Variants in SNRNP200 observed in about 807,000 individuals in gnomAD.
SNRNP200 encodes small nuclear ribonucleoprotein U5 subunit 200.
A neutral mutation model predicts 255.2 loss-of-function variants in SNRNP200; 66 were observed. The ratio of observed to expected loss-of-function variants is 0.26; its 90% CI spans 0.21 to 0.32. The LOEUF is 0.32. Ranked by LOEUF, SNRNP200 falls within the 10% of genes least tolerant of loss-of-function variation. The probability of loss-of-function intolerance (pLI) is 1.00; values close to 1 mark genes in which losing one functional copy is unlikely to be tolerated. For missense variants in SNRNP200, 1,585 were observed against 2,749.8 expected (o/e 0.58, Z 9.47); for synonymous variants, 939 against 1,027.8 (o/e 0.91, Z 1.65).
rs771467362 is a variant in SNRNP200 at position 96,301,031 on chromosome 2, G to A, written c.597C>T (p.Tyr199=). Residue 199 remains tyrosine, a synonymous_variant, in exon 5 of 45, where the codon TAC becomes TAT. Coordinates refer to ENST00000323853, the MANE Select transcript of SNRNP200 (RefSeq NM_014014.5). ...CAGACTCAAACTGCACATTCACACC[G>A]TATGTCTCATCAATGTTGTCATCTG... ...QNMDDNIDET[Y]GVNVQFESDE... 1.9e-5 allele frequency: 31 copies of A among 1,613,564 alleles called. No homozygotes were observed. The highest frequency in any genetic ancestry group is 1.6e-4 in the Middle Eastern group (1 of 6,080).
Position 96,274,821 on chromosome 2 carries a change from C to T in SNRNP200, c.*191G>A. The T allele has an allele frequency of 4.5e-6, 3 of 665,794 alleles. No homozygotes were observed. The highest frequency in any genetic ancestry group is 8.1e-6 in the Non-Finnish European group (3 of 370,902). 41.2% of individuals were successfully genotyped at this position (665,794 alleles called of 1,614,324 possible). On this transcript the variant is annotated 3_prime_UTR_variant, in exon 45 of 45. Transcript: ENST00000323853. ...ATGCTATATATGATTTATGCTTGAC[C>T]CATGACACCTGCTGTCACTGGATCC...
rs1684635891 is a variant in SNRNP200, at chr2:96,275,290, G to A, written c.6234C>T (p.Ser2078=). 2 of 1,614,030 alleles carry A rather than the reference G, an allele frequency of 1.2e-6. No homozygotes were observed. Among genetic ancestry groups the A allele is most frequent in the Admixed American group, 1.7e-5 (1 of 59,998 alleles). The change falls in exon 44 of 45, where the codon TCC becomes TCT. Residue 2078 remains serine (S), a synonymous_variant. Coordinates refer to ENST00000323853, the MANE Select transcript of SNRNP200 (RefSeq NM_014014.5). ...TCTGCTGCAAGGTCAGCCTCTTGATGGAGATGAGGCTATTGGACTTGGCAT... is the reference window on the plus strand; with the variant it reads ...TCTGCTGCAAGGTCAGCCTCTTGATAGAGATGAGGCTATTGGACTTGGCAT... ...IGDAKSNSLI[S]IKRLTLQQKA...
At position 96,275,167 on chromosome 2, in the gene SNRNP200, A is replaced by G. The variant is rs1480835373; in HGVS notation, c.6268-12T>C. The G allele has an allele frequency of 6.2e-7, 1 of 1,614,256 alleles. No individual in the cohort carries two copies. On this transcript the variant is annotated splice_polypyrimidine_tract_variant and intron_variant, in intron 44 of 44. Coordinates refer to ENST00000323853, the MANE Select transcript of SNRNP200 (RefSeq NM_014014.5). Reference sequence around the variant, plus strand: ...AAGTCCAACTTCACCTAGAAAGAGCAGGCAGAAATCAAGATGAGCATGGAC... The same window carrying G: ...AAGTCCAACTTCACCTAGAAAGAGCGGGCAGAAATCAAGATGAGCATGGAC...
At chr2:96,302,515 A>G (rs1482594290) in intron 3 of SNRNP200, among the ~76,000 whole-genome samples, 1 of 152,180 alleles carries the variant, frequency 6.6e-6, no homozygotes, top group Non-Finnish European at 1.5e-5. Context: ...CCTCCCCACC[A>G]GCAACCAATC....
At chr2:96,302,977 T>C (rs1171257618) in intron 3 of SNRNP200, among the ~76,000 whole-genome samples, 182 bp downstream of exon 3, 1 of 152,178 alleles carries the variant, frequency 6.6e-6, no homozygotes, top group Non-Finnish European at 1.5e-5. Flanking sequence ...GGCTTCATTA[T>C]GTAGGCATGA....
At position 96,286,644 on chromosome 2, in the gene SNRNP200, C is replaced by T. The variant is rs764639912; in HGVS notation, c.3829+44G>A. ...AAGTGCAAGACATTCTTCTACTGTC[C>T]TTGGAGGGACTGTTCCTGGGGACTC... On this transcript the variant is annotated intron_variant, in intron 28 of 44. Transcript: ENST00000323853. The surrounding 1 kb of genome is among the most constrained non-coding windows in gnomAD (Gnocchi z 4.8). 1.2e-6 allele frequency: 2 copies of T among 1,607,918 alleles called. No individual in the cohort carries two copies. Among genetic ancestry groups the T allele is most frequent in the Non-Finnish European group, 1.7e-6 (2 of 1,176,084 alleles).
intron 35 of SNRNP200, among the ~76,000 whole-genome samples, chr2:96,280,558 C>T (rs1684741371): frequency 6.6e-6 from 1 of 150,906 alleles, no homozygotes; most frequent in Admixed American, 6.6e-5. Flanking sequence ...CTTCTAACTT[C>T]TTTTTTTTTG....
chr2:96,289,400 A>G, intron 21 of SNRNP200, 21 bp from the exon 22 acceptor site: 1 of 1,613,140 alleles, frequency 6.2e-7, no homozygotes, highest in African/African-American at 1.3e-5. Flanking sequence ...GGTAGACTCA[A>G]TCCAGTGCTG....
At chr2:96,305,343 C>A in intron 1 of SNRNP200, 50 bp downstream of exon 1, 1 of 1,611,072 alleles carries the variant, frequency 6.2e-7, no homozygotes, top group Middle Eastern at 1.7e-4. Context: ...CAGCCTCCCC[C>A]TCCCCATTGG....
Position 96,290,256 on chromosome 2 carries a change from G to C in SNRNP200, c.2742+70C>G. 3.2e-6 allele frequency: 5 copies of C among 1,541,434 alleles called. No individual in the cohort carries two copies. The South Asian group carries it at 5.6e-5, about 17-fold the overall frequency. On this transcript the variant is annotated intron_variant, in intron 20 of 44. Coordinates refer to ENST00000323853, the MANE Select transcript of SNRNP200 (RefSeq NM_014014.5). This position sits in a 1 kb window ranked among gnomAD's most constrained non-coding sequence, Gnocchi z 4.5. ...CGCTGCTGGCCCGCAGCACAATAGG[G>C]ACCGACCCACTCCTGGTGCCTTGGT...
rs2063874887 is a variant in SNRNP200, at chr2:96,290,056, C to T, written c.2743-60G>A. ...AAACTCTTGATGTCCAAATGACAGG[C>T]TCCCATGAATTGCTTAGAAATTAAT... On this transcript the variant is annotated intron_variant, in intron 20 of 44. Transcript: ENST00000323853. This position sits in a 1 kb window ranked among gnomAD's most constrained non-coding sequence, Gnocchi z 4.5. 3 of 1,509,550 alleles carry T rather than the reference C, an allele frequency of 2.0e-6. No homozygotes were observed. Among genetic ancestry groups the T allele is most frequent in the African/African-American group, 1.4e-5 (1 of 72,950 alleles). The allele number at this position is 1,509,550 out of a possible 1,614,324, so 93.5% of individuals were successfully genotyped here.
chr2:96,281,958 G>T, intron 34 of SNRNP200, 36 bp from the exon 35 acceptor site: 1 of 1,526,030 alleles, frequency 6.6e-7, no homozygotes, highest in South Asian at 1.1e-5. Flanking sequence ...CTGAGGGCAG[G>T]GGTCTCCGGG....
chr2:96,300,973 T>C (rs200641051), intron 5 of SNRNP200, 25 bp downstream of exon 5: 50 of 1,605,108 alleles, frequency 3.1e-5, no homozygotes, highest in Non-Finnish European at 3.9e-5. Flanking sequence ...AAAACAAGAA[T>C]GGACTGGGTA....
chr2:96,298,295 C>T lies in SNRNP200; in HGVS notation c.1108G>A (p.Asp370Asn). 6.2e-7 allele frequency: 1 copy of T among 1,614,220 alleles called. No homozygotes were observed. The highest frequency in any genetic ancestry group is 2.2e-5 in the East Asian group (1 of 44,892). ...LYQLHETEKE[D>N]LIREERSRRE... ...AACCCAGTCCTTACTCGGATCAGAT[C>T]CTCCTTCTCGGTTTCATGAAGCTGG... Residue 370 changes from aspartate (D) to asparagine (N), a missense_variant, in exon 9 of 45, where the codon GAT becomes AAT. Around this residue, in one of 9 missense-constraint regions of SNRNP200, gnomAD observed 383 missense variants for 645.3 expected, o/e 0.59. Transcript: ENST00000323853.
At position 96,286,417 on chromosome 2, in the gene SNRNP200, G is replaced by C. The variant is rs144934076; in HGVS notation, c.3897C>G (p.Thr1299=). ...LILPEKYPPP[T]ELLDLQPLPV... ...GCAAGGGCTGCAGGTCCAAAAGTTC[G>C]GTTGGAGGGGGGTACTTCTCCGGCA... Residue 1299 remains threonine, a synonymous_variant, in exon 29 of 45, where the codon ACC becomes ACG. Transcript: ENST00000323853. This position sits in a 1 kb window ranked among gnomAD's most constrained non-coding sequence, Gnocchi z 4.8. 1,250 of 1,614,170 alleles carry C rather than the reference G, an allele frequency of 7.7e-4. 3 individuals carry two copies. The highest frequency in any genetic ancestry group is 9.7e-4 in the Non-Finnish European group (1,140 of 1,180,034).
Position 96,298,805 on chromosome 2 carries a change from T to G in SNRNP200, c.882+10A>C, listed in dbSNP as rs2104359532. 1 of 1,614,224 alleles carries G rather than the reference T, an allele frequency of 6.2e-7. No homozygotes were observed. The stretch of plus-strand genomic sequence containing the variant: ...CACTAAATATACAACTATTGTCATC[T>G]TGGCCATACCTTCAAAATCTCCAAT... On this transcript the variant is annotated intron_variant, in intron 7 of 44. Transcript: ENST00000323853.
Position 96,284,119 on chromosome 2 carries a change from C to G in SNRNP200, c.4393-115G>C, listed in dbSNP as rs552625221. On this transcript the variant is annotated intron_variant, in intron 31 of 44. Coordinates refer to ENST00000323853, the MANE Select transcript of SNRNP200 (RefSeq NM_014014.5). ...AAAATGACCTCATTCTTCCTTCTAA[C>G]TAGGAGCTCTCATGTGTTTGGTTCT... 84 of 1,054,560 alleles carry G rather than the reference C, an allele frequency of 8.0e-5. No individual in the cohort carries two copies. The African/African-American group carries it at 1.2e-3, about 15-fold the overall frequency. The allele number at this position is 1,054,560 out of a possible 1,614,324, so 65.3% of individuals were successfully genotyped here. A position where few individuals can be genotyped will look rare whatever the true frequency, so the allele number is the denominator to read the frequency against.
chr2:96,285,457 G>A (rs2063838575), intron 29 of SNRNP200, 117 bp from the exon 30 acceptor site: 1 of 1,195,332 alleles, frequency 8.4e-7, no homozygotes. Flanking sequence ...GGCAGTTCTG[G>A]AGTGCAGACA....
At position 96,301,055 on chromosome 2, in the gene SNRNP200, T is replaced by A; in HGVS notation, c.575-2A>T. ...CGTATGTCTCATCAATGTTGTCATCTGAAACAATGAAGGATTAGAAAAAGA... is the reference window on the plus strand; with the variant it reads ...CGTATGTCTCATCAATGTTGTCATCAGAAACAATGAAGGATTAGAAAAAGA... On this transcript the variant is annotated splice_acceptor_variant, in intron 4 of 44. Transcript: ENST00000323853. LOFTEE classifies it high-confidence loss of function. 6.2e-7 allele frequency: 1 copy of A among 1,613,776 alleles called. No individual in the cohort carries two copies.
Sources: gnomAD v4.1 joint callset for allele counts (sites outside exome capture counted in the v4.1 genomes callset) on GRCh38, gnomAD v4.1.1 for gene constraint, gnomAD v4.1.1 regional missense constraint, Gnocchi (gnomAD v3.1) non-coding constraint, MANE v1.5 for transcripts, NCBI Gene and HGNC (gene_info 2026-07-23, HGNC 2026-07-21) for gene names.